FHAD1: variants seen among roughly 807,000 people sequenced by gnomAD.
FHAD1 encodes the protein forkhead associated phosphopeptide binding domain 1, also known as forkhead-associated domain-containing protein 1.
In FHAD1, 146 loss-of-function variants were observed where a neutral mutation model predicts 191.3. That is an observed-to-expected ratio of 0.76 (90% confidence interval 0.67 to 0.88). The LOEUF is 0.88. Ranked by LOEUF, FHAD1 falls within the 40% of genes least tolerant of loss-of-function variation. The pLI, the probability that FHAD1 is intolerant of heterozygous loss-of-function variation, is 0.00. For missense variants in FHAD1, 1,635 were observed against 1,785.8 expected, an observed-to-expected ratio of 0.92 and a Z score of 1.52; for synonymous variants, 616 against 672.3, an observed-to-expected ratio of 0.92 and a Z score of 1.29.
chr1:15,292,983 C>G (rs987901566), intron 4 of FHAD1, among the ~76,000 whole-genome samples: 8 of 152,056 alleles, frequency 5.3e-5, no homozygotes, highest in Non-Finnish European at 1.2e-4. Flanking sequence ...GTTATTGAGC[C>G]CCCTAGTCTG....
At chr1:15,350,819 C>T (rs780531370) in intron 19 of FHAD1, among the ~76,000 whole-genome samples, 1 of 152,098 alleles carries the variant, frequency 6.6e-6, no homozygotes, top group Non-Finnish European at 1.5e-5. Context: ...GTGGGGGCTG[C>T]ACAGCCTTAA....
At chr1:15,240,029 T>G (rs1645177998) in intron 1 of FHAD1, among the ~76,000 whole-genome samples, 2 of 152,218 alleles carry the variant, frequency 1.3e-5, no homozygotes, top group South Asian at 4.1e-4. Context: ...ATCCTCTCCC[T>G]TGAGTCGGGG....
intron 2 of FHAD1, among the ~76,000 whole-genome samples, chr1:15,262,925 C>T (rs1651744462): frequency 6.6e-6 from 1 of 152,196 alleles, no homozygotes; most frequent in Non-Finnish European, 1.5e-5. Context: ...TTCCCAGCCA[C>T]AGTGCACGAG....
intron 3 of FHAD1, among the ~76,000 whole-genome samples, chr1:15,277,248 T>A (rs1302890340): frequency 6.6e-6 from 1 of 152,134 alleles, no homozygotes; most frequent in Non-Finnish European, 1.5e-5. Flanking sequence ...CTGCCCAACA[T>A]AAAGAGTGCC....
chr1:15,341,151 C>T (rs1252291371), intron 15 of FHAD1, among the ~76,000 whole-genome samples: 2 of 152,162 alleles, frequency 1.3e-5, no homozygotes, highest in Non-Finnish European at 2.9e-5. Flanking sequence ...CCCTGCACTG[C>T]AGCCTGGGCG....
intron 1 of FHAD1, among the ~76,000 whole-genome samples, chr1:15,248,729 G>A (rs1202164291): frequency 6.6e-6 from 1 of 151,762 alleles, no homozygotes; most frequent in Non-Finnish European, 1.5e-5. Flanking sequence ...GGGACTACAG[G>A]TGCAAGCCAC....
At chr1:15,247,104 G>A (rs1646134504), upstream of FHAD1, among the ~76,000 whole-genome samples, 1 of 152,188 alleles carries the variant, frequency 6.6e-6, no homozygotes, top group Non-Finnish European at 1.5e-5. Context: ...CAGGCTCGTG[G>A]GGCCTGGAGC....
chr1:15,307,031 C>T (rs1670707369), intron 6 of FHAD1, among the ~76,000 whole-genome samples: 1 of 152,220 alleles, frequency 6.6e-6, no homozygotes. Flanking sequence ...CCCATGAAAG[C>T]AGCTGGGAGA....
chr1:15,375,640 A>G lies in FHAD1; in HGVS notation c.3615A>G (p.Leu1205=). The G allele has an allele frequency of 1.3e-6, 2 of 1,544,528 alleles. No individual in the cohort carries two copies. Among genetic ancestry groups the G allele is most frequent in the Non-Finnish European group, 1.7e-6 (2 of 1,144,738 alleles). The change falls in exon 28 of 34, where the codon TTA becomes TTG. Residue 1205 remains leucine, a synonymous_variant. Transcript: ENST00000688493. ...KDHQNESFLD[L]KNLRMENNVQ... is the part of the protein sequence containing the mutation. ...ACCAGAATGAATCATTTCTAGATTTAAAGAACCTCAGAATGGAAAACAATG... is the reference window on the plus strand; with the variant it reads ...ACCAGAATGAATCATTTCTAGATTTGAAGAACCTCAGAATGGAAAACAATG...
At chr1:15,392,039 T>C (rs1334231589) in intron 33 of FHAD1, among the ~76,000 whole-genome samples, 3 of 152,168 alleles carry the variant, frequency 2.0e-5, no homozygotes, top group Non-Finnish European at 4.4e-5. Flanking sequence ...GCCCTGGATG[T>C]AGGGATATTG....
chr1:15,257,775 G>A (rs778825042), intron 2 of FHAD1, among the ~76,000 whole-genome samples: 62 of 152,156 alleles, frequency 4.1e-4, no homozygotes, highest in African/African-American at 1.4e-3. Flanking sequence ...TACACACAAC[G>A]TAACATTTAT....
chr1:15,330,716 G>C (rs192506044), intron 14 of FHAD1, among the ~76,000 whole-genome samples: 83 of 152,338 alleles, frequency 5.4e-4, no homozygotes, highest in East Asian at 1.3e-3. Flanking sequence ...TGGCAGGGGA[G>C]CATGGAGAGC....
downstream of FHAD1, among the ~76,000 whole-genome samples, chr1:15,401,529 G>A (rs1277560329): frequency 2.0e-5 from 3 of 152,188 alleles, no homozygotes; most frequent in African/African-American, 2.4e-5. Context: ...CCTTGGATTC[G>A]TGACTTTGCA....
Position 15,328,256 on chromosome 1 carries a change from CCTTTTT to C in FHAD1, c.1558-12_1558-7del. ...TATGTTACATCTTTTTTTTTTTTTT[CCTTTTT>C]CTTTTTCTCACCAGTTAATAGAGAA... On this transcript the variant is annotated splice_polypyrimidine_tract_variant and intron_variant, in intron 12 of 33. Transcript: ENST00000688493. The C allele has an allele frequency of 2.5e-6, 2 of 799,378 alleles. No homozygotes were observed. The highest frequency in any genetic ancestry group is 2.8e-4 in the Middle Eastern group (1 of 3,548). 49.5% of individuals were successfully genotyped at this position (799,378 alleles called of 1,614,324 possible).
intron 14 of FHAD1, among the ~76,000 whole-genome samples, chr1:15,339,092 C>T (rs1685473530): frequency 6.6e-6 from 1 of 152,202 alleles, no homozygotes; most frequent in East Asian, 1.9e-4. Context: ...TCTGGGCTCA[C>T]TGCAACCTCT....
chr1:15,250,155 G>C (rs1292267770), intron 1 of FHAD1, among the ~76,000 whole-genome samples: 1 of 152,186 alleles, frequency 6.6e-6, no homozygotes, highest in Admixed American at 6.5e-5. Context: ...TCATTTCACT[G>C]ACTTTTCAAT....
At chr1:15,353,233 C>T (rs1325058633) in intron 20 of FHAD1, among the ~76,000 whole-genome samples, 1 of 152,150 alleles carries the variant, frequency 6.6e-6, no homozygotes, top group Admixed American at 6.5e-5. Flanking sequence ...GAGAGGCACC[C>T]AGCACTCAGC....
chr1:15,397,228 C>T (rs1706317336), intron 33 of FHAD1, 69 bp from the exon 34 acceptor site: 2 of 678,790 alleles, frequency 2.9e-6, no homozygotes, highest in Non-Finnish European at 2.4e-6. Context: ...AATAACAAAA[C>T]CACTTGAGTG....
At chr1:15,283,954 G>T (rs1240616550) in intron 3 of FHAD1, among the ~76,000 whole-genome samples, 1 of 152,194 alleles carries the variant, frequency 6.6e-6, no homozygotes, top group Non-Finnish European at 1.5e-5. Flanking sequence ...TGACCTGGAA[G>T]CTCCAGGGGC....
Sources: allele counts gnomAD v4.1 joint callset (sites outside exome capture counted in the v4.1 genomes callset), GRCh38; gene constraint gnomAD v4.1.1; transcripts MANE v1.5; gene names NCBI Gene and HGNC (gene_info 2026-07-23, HGNC 2026-07-21).